GABBR2: variants seen among roughly 807,000 people sequenced by gnomAD.
The protein encoded by GABBR2 is G-protein coupled receptor 51.
GABBR2 carries 23 observed loss-of-function variants against 105.6 expected under a neutral mutation model. The observed-to-expected ratio is 0.22, with a 90% CI of 0.16 to 0.31. GABBR2 has a LOEUF of 0.31. GABBR2 is among the 10% of genes least tolerant of loss of function. The pLI is 1.00. For missense variants in GABBR2, 734 were observed against 1,245.5 expected (o/e 0.59, Z 6.18); for synonymous variants, 478 against 499.7 (o/e 0.96, Z 0.58).
chr9:98,341,671 G>A (rs879680289), intron 13 of GABBR2, among the ~76,000 whole-genome samples: 1 of 152,180 alleles, frequency 6.6e-6, no homozygotes, highest in Non-Finnish European at 1.5e-5. Flanking sequence ...CACGGAGAGA[G>A]CACAGCCCAT....
chr9:98,490,135 G>A lies in GABBR2; in HGVS notation c.732+6278C>T, dbSNP rs371152540. ...AGTTTCTGTCTGGGATGATGAAACA[G>A]TTCTGGAAGTGGATAATGGGATGGT... On this transcript the variant is annotated intron_variant, in intron 4 of 18. Transcript: ENST00000259455. Among the ~76,000 whole-genome samples the A allele has an allele frequency of 2.0e-5, 3 of 152,180 alleles. 1 individual carries two copies. The East Asian group carries it at 5.8e-4, about 29-fold the overall frequency.
intron 12 of GABBR2, among the ~76,000 whole-genome samples, chr9:98,368,598 T>G (rs1005096214): frequency 6.6e-6 from 1 of 152,234 alleles, no homozygotes; most frequent in East Asian, 1.9e-4. Context: ...TTTTGTCGAT[T>G]GTGGCCAGAC....
intron 1 of GABBR2, among the ~76,000 whole-genome samples, chr9:98,672,366 T>C (rs551927931): frequency 1.9e-4 from 29 of 152,368 alleles, no homozygotes; most frequent in Non-Finnish European, 3.2e-4. Context: ...GGTTCATCCA[T>C]GTTGTAGCAT....
At chr9:98,499,576 T>C (rs1295428151) in intron 3 of GABBR2, among the ~76,000 whole-genome samples, 2 of 152,256 alleles carry the variant, frequency 1.3e-5, no homozygotes, top group African/African-American at 4.8e-5. Context: ...ATATTATAAA[T>C]GGCATTTTAA....
intron 6 of GABBR2, among the ~76,000 whole-genome samples, chr9:98,458,559 G>A (rs945326901): frequency 3.3e-5 from 5 of 152,126 alleles, no homozygotes; most frequent in African/African-American, 1.2e-4. Flanking sequence ...CAAAAAGTTA[G>A]CTGCGCGTGG....
At chr9:98,419,324 T>C (rs1832741985) in intron 7 of GABBR2, among the ~76,000 whole-genome samples, 1 of 151,980 alleles carries the variant, frequency 6.6e-6, no homozygotes, top group Admixed American at 6.5e-5. Context: ...TCTCCTAGGG[T>C]GTAAGGAGAT....
chr9:98,405,071 A>C (rs1397992567), intron 8 of GABBR2, among the ~76,000 whole-genome samples: 2 of 152,212 alleles, frequency 1.3e-5, no homozygotes, highest in East Asian at 3.9e-4. Flanking sequence ...TGAAGTATTT[A>C]TAGAATGAGA....
chr9:98,313,938 G>C (rs1219490382), intron 13 of GABBR2, among the ~76,000 whole-genome samples: 3 of 152,168 alleles, frequency 2.0e-5, no homozygotes, highest in Non-Finnish European at 4.4e-5. Flanking sequence ...GAGCTAGGAG[G>C]GGTGGGACCT....
chr9:98,523,019 T>G (rs1827895133), intron 3 of GABBR2, among the ~76,000 whole-genome samples: 1 of 152,216 alleles, frequency 6.6e-6, no homozygotes, highest in Non-Finnish European at 1.5e-5. Flanking sequence ...GACCGATATT[T>G]TAAACTTAAA....
intron 1 of GABBR2, among the ~76,000 whole-genome samples, chr9:98,695,335 G>A (rs1830735175): frequency 1.3e-5 from 2 of 152,186 alleles, no homozygotes; most frequent in South Asian, 4.1e-4. Flanking sequence ...TGGCGGGGCA[G>A]TGAACAATAA....
intron 13 of GABBR2, among the ~76,000 whole-genome samples, chr9:98,341,383 G>A (rs895398633): frequency 6.6e-6 from 1 of 152,186 alleles, no homozygotes; most frequent in Admixed American, 6.5e-5. Context: ...CTCGCCTGAA[G>A]TTCTTGTTTT....
intron 7 of GABBR2, among the ~76,000 whole-genome samples, chr9:98,413,451 CTTT>C (rs61561755): frequency 6.7e-6 from 1 of 150,250 alleles, no homozygotes; most frequent in Non-Finnish European, 1.5e-5. Context: ...AAAAAATATT[CTTT>C]TTTTTTTCTT....
At chr9:98,618,154 G>A (rs1042397845) in intron 1 of GABBR2, among the ~76,000 whole-genome samples, 4 of 152,152 alleles carry the variant, frequency 2.6e-5, no homozygotes, top group East Asian at 1.9e-4. Context: ...AGGGCTAACC[G>A]ATCCTGCAGC....
intron 13 of GABBR2, among the ~76,000 whole-genome samples, chr9:98,356,076 T>C (rs545028818): frequency 6.6e-6 from 1 of 152,324 alleles, no homozygotes; most frequent in South Asian, 2.1e-4. Context: ...CAGGCCTAAA[T>C]GTTAAATGTA....
intron 13 of GABBR2, among the ~76,000 whole-genome samples, chr9:98,321,643 G>A (rs985945158): frequency 6.6e-6 from 1 of 152,178 alleles, no homozygotes; most frequent in Non-Finnish European, 1.5e-5. Flanking sequence ...GCAGACGATG[G>A]GGAGAATGAT....
intron 1 of GABBR2, among the ~76,000 whole-genome samples, chr9:98,673,599 G>C (rs10116207): frequency 0.89 from 131,965 of 148,038 alleles, 58,537 homozygotes; most frequent in African/African-American, 0.94. Flanking sequence ...AAAAAAAACA[G>C]GGAATAAAAA....
At chr9:98,656,513 C>T (rs946385911) in intron 1 of GABBR2, among the ~76,000 whole-genome samples, 8 of 152,144 alleles carry the variant, frequency 5.3e-5, no homozygotes, top group Non-Finnish European at 1.2e-4. Context: ...TTATATGTCA[C>T]TAGTTTCAAA....
At chr9:98,465,135 A>AAAAAAAAAAAAAAAAAAAAAAAAAC (rs1434992199) in intron 6 of GABBR2, among the ~76,000 whole-genome samples, 1 of 149,164 alleles carries the variant, frequency 6.7e-6, no homozygotes, top group Non-Finnish European at 1.5e-5. Context: ...AAAAAAAAAA[A>AAAAAAAAAAAAAAAAAAAAAAAAAC]AAAAAAAAAA....
At chr9:98,586,215 C>T (rs190114742) in intron 1 of GABBR2, among the ~76,000 whole-genome samples, 18 of 152,168 alleles carry the variant, frequency 1.2e-4, no homozygotes, top group Admixed American at 3.9e-4. Flanking sequence ...CTGCACATAG[C>T]CCTCCTTTAC....
Sources: allele counts gnomAD v4.1 joint callset (sites outside exome capture counted in the v4.1 genomes callset), GRCh38; gene constraint gnomAD v4.1.1; transcripts MANE v1.5; gene names NCBI Gene and HGNC (gene_info 2026-07-23, HGNC 2026-07-21).